The following SEC14L5 variants were observed in gnomAD, a reference collection of about 807,000 sequenced individuals.
SEC14L5 encodes SEC14-like protein 5.
In SEC14L5, 96 loss-of-function variants were observed where a neutral mutation model predicts 84.6. That is an observed-to-expected ratio of 1.13 (90% confidence interval 0.96 to 1.34). The LOEUF (loss-of-function observed/expected upper bound fraction) is 1.34. Ranked by LOEUF, SEC14L5 falls within the 40% of genes most tolerant of loss-of-function variation. The pLI, the probability that SEC14L5 is intolerant of heterozygous loss-of-function variation, is 0.00. For synonymous variants in SEC14L5, 546 were observed against 383.4 expected, an observed-to-expected ratio of 1.42 and a Z score of -4.95; for missense variants, 1,224 against 942.5, an observed-to-expected ratio of 1.30 and a Z score of -3.91.
At chr16:5,004,803 T>C (rs975336474) in intron 11 of SEC14L5, among the ~76,000 whole-genome samples, 3 of 152,212 alleles carry the variant, frequency 2.0e-5, no homozygotes, top group Non-Finnish European at 2.9e-5. Context: ...TCCTTCTTTA[T>C]CAACATGTGG....
intron 2 of SEC14L5, among the ~76,000 whole-genome samples, chr16:4,978,910 A>T (rs1029117185): frequency 6.6e-6 from 1 of 151,954 alleles, no homozygotes; most frequent in African/African-American, 2.4e-5. Context: ...TAATTTTCTT[A>T]TTTTATGTAG....
At chr16:5,010,978 C>T (rs1955792706) in intron 14 of SEC14L5, 117 bp from the exon 15 acceptor site, 1 of 963,652 alleles carries the variant, frequency 1.0e-6, no homozygotes, top group African/African-American at 1.6e-5. Context: ...GAGAAAGGGA[C>T]AGAGGGAGAA....
At chr16:4,978,765 G>A (rs532852107) in intron 2 of SEC14L5, among the ~76,000 whole-genome samples, 44 of 147,084 alleles carry the variant, frequency 3.0e-4, no homozygotes, top group Non-Finnish European at 4.3e-4. Flanking sequence ...ACCACGCTCG[G>A]CTAATCTTTT....
intron 14 of SEC14L5, among the ~76,000 whole-genome samples, chr16:5,010,339 G>A (rs1392181764): frequency 6.6e-6 from 1 of 151,732 alleles, no homozygotes; most frequent in Non-Finnish European, 1.5e-5. Context: ...ACTCTAGTCT[G>A]AGTGAAAGAG....
intron 11 of SEC14L5, 71 bp from the exon 12 acceptor site, chr16:5,005,843 G>A (rs1596641986): frequency 2.8e-5 from 41 of 1,440,064 alleles, no homozygotes; most frequent in African/African-American, 6.4e-5. Flanking sequence ...CAGCCTGGGC[G>A]ACTGAGCAAG....
chr16:4,995,288 C>G (rs900046547), intron 6 of SEC14L5, among the ~76,000 whole-genome samples: 4 of 152,254 alleles, frequency 2.6e-5, no homozygotes, highest in Non-Finnish European at 1.5e-5. Flanking sequence ...ACCCTCATGG[C>G]TAAGAGTGGG....
intron 15 of SEC14L5, among the ~76,000 whole-genome samples, chr16:5,013,810 G>A (rs1263424873): frequency 1.3e-5 from 2 of 151,668 alleles, no homozygotes; most frequent in Non-Finnish European, 2.9e-5. Flanking sequence ...CACCCACTTC[G>A]GCCTCCCAAA....
chr16:4,982,782 A>AG (rs1955440322), intron 2 of SEC14L5, among the ~76,000 whole-genome samples: 1 of 152,176 alleles, frequency 6.6e-6, no homozygotes, highest in Non-Finnish European at 1.5e-5. Flanking sequence ...GGGCACTGAG[A>AG]GGTTAAGTAA....
intron 2 of SEC14L5, among the ~76,000 whole-genome samples, chr16:4,980,198 T>A (rs1955404360): frequency 6.6e-6 from 1 of 152,162 alleles, no homozygotes; most frequent in Non-Finnish European, 1.5e-5. Context: ...CTTTATAAAG[T>A]CCTTAACAAC....
intron 4 of SEC14L5, among the ~76,000 whole-genome samples, chr16:4,988,501 C>G (rs371801957): frequency 5.3e-5 from 8 of 152,356 alleles, no homozygotes; most frequent in African/African-American, 1.4e-4. Context: ...TATACTTATA[C>G]TCAAATGTTA....
chr16:5,002,016 C>T (rs989076692), intron 10 of SEC14L5, among the ~76,000 whole-genome samples: 1 of 152,164 alleles, frequency 6.6e-6, no homozygotes, highest in Non-Finnish European at 1.5e-5. Context: ...GTGATCCTCC[C>T]ACCTTGGCCT....
At chr16:5,010,669 A>G (rs1955789215) in intron 14 of SEC14L5, among the ~76,000 whole-genome samples, 1 of 152,136 alleles carries the variant, frequency 6.6e-6, no homozygotes, top group South Asian at 2.1e-4. Flanking sequence ...CTCTTCTTGT[A>G]AAAACAAACA....
chr16:4,981,285 T>G (rs7189392), intron 2 of SEC14L5, among the ~76,000 whole-genome samples: 2 of 93,134 alleles, frequency 2.1e-5, no homozygotes, highest in African/African-American at 3.8e-5. Flanking sequence ...TTTTTTTTTG[T>G]ATTTTTAGAA....
intron 2 of SEC14L5, 143 bp downstream of exon 2, chr16:4,959,529 T>C (rs761498698): frequency 5.6e-5 from 40 of 718,462 alleles, no homozygotes; most frequent in Admixed American, 1.5e-4. Flanking sequence ...GGGTTTAACT[T>C]CTATCCAGTG....
chr16:5,009,491 CTT>C (rs1259662157), intron 14 of SEC14L5, among the ~76,000 whole-genome samples: 4 of 151,930 alleles, frequency 2.6e-5, no homozygotes, highest in African/African-American at 7.3e-5. Flanking sequence ...GTCCAACTAA[CTT>C]TTGTATTTTT....
chr16:4,988,256 G>A lies in SEC14L5; in HGVS notation c.321G>A (p.Val107=). ...ATGAGACCTTCGCCAACCGCGTGGT[G>A]GTGAACGAGCACTGCAGCTACACGG... ...AHNETFANRV[V]VNEHCSYTVH... Residue 107 remains valine, a synonymous_variant, in exon 4 of 16, where the codon GTG becomes GTA. Coordinates refer to ENST00000251170, the MANE Select transcript of SEC14L5 (RefSeq NM_014692.2). 1 of 1,613,760 alleles carries A rather than the reference G, an allele frequency of 6.2e-7. No individual in the cohort carries two copies. The highest frequency in any genetic ancestry group is 1.1e-5 in the South Asian group (1 of 91,062).
chr16:5,010,188 C>CAAAAAAAAAAAA (rs59942135), intron 14 of SEC14L5, among the ~76,000 whole-genome samples: 3 of 43,646 alleles, frequency 6.9e-5, no homozygotes, highest in African/African-American at 1.3e-4. Flanking sequence ...ACTAAAAATA[C>CAAAAAAAAAAAA]AAAAAAAAAA....
chr16:5,007,568 G>A (rs1955745812), intron 13 of SEC14L5, 82 bp downstream of exon 13: 2 of 1,041,980 alleles, frequency 1.9e-6, no homozygotes, highest in South Asian at 3.1e-5. Flanking sequence ...CACAGCTTGA[G>A]ATGAGGATTC....
At chr16:4,959,194 C>T (rs1339400228) in intron 1 of SEC14L5, 79 bp from the exon 2 acceptor site, 2 of 712,700 alleles carry the variant, frequency 2.8e-6, no homozygotes, top group African/African-American at 3.5e-5. Context: ...GGGCCAGGGG[C>T]TGCCCCTTAC....
Sources: gnomAD v4.1 joint callset for allele counts (sites outside exome capture counted in the v4.1 genomes callset) on GRCh38, gnomAD v4.1.1 for gene constraint, MANE v1.5 for transcripts, NCBI Gene and HGNC (gene_info 2026-07-23, HGNC 2026-07-21) for gene names.